Variants in GSE1 observed in about 807,000 individuals in gnomAD.
The protein encoded by GSE1 is Gse1 coiled-coil protein.
A neutral mutation model predicts 112.6 loss-of-function variants in GSE1; 32 were observed. The observed-to-expected ratio is 0.28, with a 90% CI of 0.21 to 0.38. GSE1 has a LOEUF of 0.38. Ranked by LOEUF, GSE1 falls within the 10% of genes least tolerant of loss-of-function variation. The pLI is 1.00. For synonymous variants in GSE1, 1,115 were observed against 735.6 expected (o/e 1.52, Z -8.35); for missense variants, 2,348 against 1,699.2 (o/e 1.38, Z -6.71).
intron 1 of GSE1, among the ~76,000 whole-genome samples, chr16:85,354,693 G>A (rs1412308393): frequency 6.6e-6 from 1 of 152,254 alleles, no homozygotes; most frequent in Non-Finnish European, 1.5e-5. Context: ...GGGCTTGAAT[G>A]CAGATGCGGC....
At chr16:85,434,593 G>A (rs984615737) in intron 2 of GSE1, among the ~76,000 whole-genome samples, 6 of 152,078 alleles carry the variant, frequency 3.9e-5, no homozygotes, top group African/African-American at 9.7e-5. Context: ...TGAGACAGGC[G>A]GATCACTTGA....
intron 2 of GSE1, among the ~76,000 whole-genome samples, chr16:85,515,382 T>C (rs955501230): frequency 2.6e-5 from 4 of 152,158 alleles, no homozygotes; most frequent in African/African-American, 9.7e-5. Flanking sequence ...CTCAGCAGGG[T>C]TAAGTAGCGA....
chr16:85,221,372 A>G (rs986585237), intron 1 of GSE1, among the ~76,000 whole-genome samples: 2 of 151,844 alleles, frequency 1.3e-5, no homozygotes, highest in African/African-American at 4.8e-5. Flanking sequence ...ATGTACATAT[A>G]CTACACACAC....
At chr16:85,646,444 G>A (rs1250090104) in intron 2 of GSE1, among the ~76,000 whole-genome samples, 3 of 152,376 alleles carry the variant, frequency 2.0e-5, no homozygotes, top group East Asian at 3.9e-4. Context: ...GCTGGTGGGT[G>A]GACATGTGCC....
intron 2 of GSE1, among the ~76,000 whole-genome samples, chr16:85,388,786 C>T (rs1458012833): frequency 6.6e-6 from 1 of 152,082 alleles, no homozygotes; most frequent in East Asian, 1.9e-4. Context: ...GGGTTTCTTT[C>T]CTTCCCTTGA....
intron 1 of GSE1, among the ~76,000 whole-genome samples, chr16:85,213,566 T>G (rs1429122684): frequency 6.6e-6 from 1 of 152,226 alleles, no homozygotes; most frequent in Non-Finnish European, 1.5e-5. Context: ...CAGTGGCATT[T>G]CCGAGCCGAA....
upstream of GSE1, among the ~76,000 whole-genome samples, chr16:85,611,162 T>G (rs993388448): frequency 3.9e-5 from 6 of 152,254 alleles, no homozygotes; most frequent in Non-Finnish European, 7.4e-5. Context: ...CCCCCGCAGC[T>G]TGTAATCCAG....
chr16:85,298,853 G>A (rs958416317), intron 1 of GSE1, among the ~76,000 whole-genome samples: 1 of 152,262 alleles, frequency 6.6e-6, no homozygotes, highest in African/African-American at 2.4e-5. Flanking sequence ...GAACTTTCGG[G>A]AGTGGGTGTG....
upstream of GSE1, among the ~76,000 whole-genome samples, chr16:85,611,194 T>A (rs2047955848): frequency 6.6e-6 from 1 of 151,984 alleles, no homozygotes; most frequent in Admixed American, 6.5e-5. Context: ...GTTGGGCCAG[T>A]CCCGGAGGTG....
chr16:85,176,860 A>G lies in GSE1; in HGVS notation c.2283+5053A>G, dbSNP rs868561622. Among the ~76,000 whole-genome samples, 6 of 152,330 alleles carry G rather than the reference A, an allele frequency of 3.9e-5. No individual in the cohort carries two copies. In the Middle Eastern group the frequency reaches 0.01, roughly 259 times the overall value. On this transcript the variant is annotated intron_variant, in intron 1 of 2. Transcript: ENST00000637419. ...CATCTGTTTCCCATGCTTCCTGACT[A>G]TCTGCGCCCACGCAGTTCCCTGCTC... is the stretch of plus-strand genomic sequence containing the variant.
rs762465012 is a variant in GSE1 at position 85,648,616 on chromosome 16, C to A, written c.291C>A (p.Ala97=). Residue 97 remains alanine, a synonymous_variant, in exon 3 of 16, where the codon GCC becomes GCA. Transcript: ENST00000253458. ...CGGCCACCAACCACAGCTCCCCCGC[C>A]AGCACACCCAAGCGCGTGCCCATGG... The part of the protein sequence containing the change: ...SSPATNHSSP[A]STPKRVPMGP... The A allele has an allele frequency of 4.4e-6, 7 of 1,606,934 alleles. 1 individual carries two copies. The South Asian group carries it at 7.7e-5, about 18-fold the overall frequency.
intron 1 of GSE1, chr16:85,583,711 C>A (rs2046556337): frequency 6.6e-6 from 1 of 152,170 alleles, no homozygotes; most frequent in Admixed American, 6.5e-5. Flanking sequence ...TGCCTTTTGT[C>A]TTTACCCACT....
intron 1 of GSE1, among the ~76,000 whole-genome samples, chr16:85,354,489 C>A (rs1192837498): frequency 6.6e-6 from 1 of 152,238 alleles, no homozygotes; most frequent in African/African-American, 2.4e-5. Flanking sequence ...TCACCACAGC[C>A]GTGTTTGCTG....
In GSE1 at chr16:85,655,952, C is replaced by T. The variant is rs374046113; in HGVS notation, c.989+35C>T. ...TCTCGAGCCGAGGAGCCCCTCTGCC[C>T]TCCCTGTCCCTTGATGGCAGCTGGG... On this transcript the variant is annotated intron_variant, in intron 6 of 15. Transcript: ENST00000253458. The T allele has an allele frequency of 2.1e-4, 326 of 1,530,610 alleles. 1 individual carries two copies. Among genetic ancestry groups the T allele is most frequent in the Admixed American group, 4.7e-4 (27 of 57,768 alleles). 94.8% of individuals were successfully genotyped at this position (1,530,610 alleles called of 1,614,324 possible).
At chr16:85,384,432 A>G (rs954361674) in intron 2 of GSE1, among the ~76,000 whole-genome samples, 1 of 152,104 alleles carries the variant, frequency 6.6e-6, no homozygotes, top group African/African-American at 2.4e-5. Flanking sequence ...CTGAGCTTTT[A>G]TTTCCACATC....
intron 1 of GSE1, among the ~76,000 whole-genome samples, chr16:85,605,874 G>C (rs914894918): frequency 5.9e-5 from 9 of 151,482 alleles, no homozygotes; most frequent in African/African-American, 2.0e-4. Flanking sequence ...CGGCCCAGGA[G>C]CTGAGACTGC....
intron 1 of GSE1, among the ~76,000 whole-genome samples, chr16:85,590,151 CGT>C (rs568979912): frequency 1.5e-4 from 23 of 151,822 alleles, no homozygotes; most frequent in African/African-American, 3.1e-4. Flanking sequence ...TGATTGTGAG[CGT>C]GTGAGTGAAT....
intron 1 of GSE1, among the ~76,000 whole-genome samples, chr16:85,179,851 GC>G (rs2074545680): frequency 6.6e-6 from 1 of 152,228 alleles, no homozygotes; most frequent in Non-Finnish European, 1.5e-5. Context: ...TTGGGTTATG[GC>G]CCCAACACTC....
intron 1 of GSE1, among the ~76,000 whole-genome samples, chr16:85,187,906 A>G (rs1374822608): frequency 6.6e-6 from 1 of 152,184 alleles, no homozygotes; most frequent in Non-Finnish European, 1.5e-5. Flanking sequence ...GGCCGTGGGA[A>G]TGAAGGGGCC....
Sources: gnomAD v4.1 joint callset for allele counts (sites outside exome capture counted in the v4.1 genomes callset) on GRCh38, gnomAD v4.1.1 for gene constraint, MANE v1.5 for transcripts, NCBI Gene and HGNC (gene_info 2026-07-23, HGNC 2026-07-21) for gene names.